The following KCNH7 variants were observed in gnomAD, a reference collection of about 807,000 sequenced individuals.
KCNH7 encodes potassium voltage-gated channel subfamily H member 7, also known as voltage-gated inwardly rectifying potassium channel KCNH7.
A neutral mutation model predicts 120.8 loss-of-function variants in KCNH7; 49 were observed. That is an observed-to-expected ratio of 0.41 (90% confidence interval 0.32 to 0.51). The LOEUF is 0.51. Among genes scored for constraint, KCNH7 ranks in the 20% least tolerant of loss-of-function variants. The pLI, the probability that KCNH7 is intolerant of heterozygous loss-of-function variation, is 0.38. For synonymous variants in KCNH7, 547 were observed against 516.1 expected, an observed-to-expected ratio of 1.06 and a Z score of -0.81; for missense variants, 1,097 against 1,446.6, an observed-to-expected ratio of 0.76 and a Z score of 3.92.
intron 2 of KCNH7, among the ~76,000 whole-genome samples, chr2:162,554,704 C>T (rs1692797975): frequency 6.6e-6 from 1 of 152,162 alleles, no homozygotes; most frequent in Non-Finnish European, 1.5e-5. Context: ...ACATATCCTT[C>T]ATTGACTGTG....
chr2:162,804,603 C>A (rs753831008), intron 2 of KCNH7, among the ~76,000 whole-genome samples: 1 of 151,856 alleles, frequency 6.6e-6, no homozygotes, highest in Admixed American at 6.6e-5. Flanking sequence ...ATAGATGACA[C>A]AAACAAATGG....
intron 2 of KCNH7, among the ~76,000 whole-genome samples, chr2:162,734,408 T>C (rs1260571281): frequency 6.6e-6 from 1 of 152,196 alleles, no homozygotes; most frequent in East Asian, 1.9e-4. Context: ...ATTATAGTGA[T>C]CATAGATGTT....
intron 2 of KCNH7, among the ~76,000 whole-genome samples, chr2:162,651,239 C>A (rs1254086125): frequency 3.3e-5 from 5 of 152,144 alleles, no homozygotes; most frequent in Non-Finnish European, 5.9e-5. Flanking sequence ...TTAGGTTCAG[C>A]AGTACATGTG....
At chr2:162,755,322 A>T (rs1196387547) in intron 2 of KCNH7, among the ~76,000 whole-genome samples, 2 of 152,230 alleles carry the variant, frequency 1.3e-5, no homozygotes, top group South Asian at 2.1e-4. Context: ...TACAAAAAAA[A>T]TTAGCCAGGT....
Position 162,423,441 on chromosome 2 carries a change from T to C in KCNH7, c.2049A>G (p.Val683=), listed in dbSNP as rs979367598. The C allele has an allele frequency of 3.7e-6, 6 of 1,614,132 alleles. No individual in the cohort carries two copies. The highest frequency in any genetic ancestry group is 5.1e-6 in the Non-Finnish European group (6 of 1,179,956). The change falls in exon 9 of 16, where the codon GTA becomes GTG. Residue 683 remains valine (V), a synonymous_variant. Coordinates refer to ENST00000332142, the MANE Select transcript of KCNH7 (RefSeq NM_033272.4). Reference sequence around the variant, plus strand: ...TTTGGTGAAAGCGAATGAACTCTTTTACTCGCAGCATCTGCATGTGGTACC... The same window carrying C: ...TTTGGTGAAAGCGAATGAACTCTTTCACTCGCAGCATCTGCATGTGGTACC... ...TARYHMQMLR[V]KEFIRFHQIP...
intron 6 of KCNH7, among the ~76,000 whole-genome samples, chr2:162,450,829 G>C (rs1688742936): frequency 6.6e-6 from 1 of 151,990 alleles, no homozygotes; most frequent in African/African-American, 2.4e-5. Flanking sequence ...GATACTTAGA[G>C]ATCAATTAGG....
intron 2 of KCNH7, among the ~76,000 whole-genome samples, chr2:162,746,015 T>C (rs973387761): frequency 2.0e-5 from 3 of 152,048 alleles, no homozygotes; most frequent in Non-Finnish European, 4.4e-5. Context: ...ATATGAAGAA[T>C]TTGCAAAATG....
At chr2:162,681,784 G>T (rs1231484722) in intron 2 of KCNH7, among the ~76,000 whole-genome samples, 2 of 150,134 alleles carry the variant, frequency 1.3e-5, no homozygotes, top group Non-Finnish European at 3.0e-5. Context: ...CATAAAGAGA[G>T]TTCAAGTCAA....
At chr2:162,627,841 T>C (rs575184603) in intron 2 of KCNH7, among the ~76,000 whole-genome samples, 5 of 152,182 alleles carry the variant, frequency 3.3e-5, no homozygotes, top group Non-Finnish European at 7.3e-5. Flanking sequence ...TCTTTATTTT[T>C]CCTTTAGCCT....
intron 6 of KCNH7, among the ~76,000 whole-genome samples, chr2:162,455,331 G>A (rs1245594906): frequency 6.6e-6 from 1 of 152,116 alleles, no homozygotes; most frequent in Non-Finnish European, 1.5e-5. Flanking sequence ...GCTGGATTTG[G>A]TTTGCCAGTA....
At chr2:162,649,209 T>C (rs183259320) in intron 2 of KCNH7, among the ~76,000 whole-genome samples, 117 of 152,344 alleles carry the variant, frequency 7.7e-4, no homozygotes, top group African/African-American at 2.7e-3. Context: ...ATGTTCTTTG[T>C]TATGCATGAA....
chr2:162,686,102 T>C (rs1685881313), intron 2 of KCNH7, among the ~76,000 whole-genome samples: 1 of 152,046 alleles, frequency 6.6e-6, no homozygotes, highest in South Asian at 2.1e-4. Context: ...GTTTAGTGTA[T>C]GGTGGGGCAA....
At chr2:162,823,837 C>T (rs976723706) in intron 2 of KCNH7, among the ~76,000 whole-genome samples, 3 of 151,578 alleles carry the variant, frequency 2.0e-5, no homozygotes, top group African/African-American at 7.3e-5. Flanking sequence ...TTTTTAAATG[C>T]TGACAGTCTA....
At chr2:162,529,309 C>A (rs1183072954) in intron 3 of KCNH7, among the ~76,000 whole-genome samples, 1 of 151,830 alleles carries the variant, frequency 6.6e-6, no homozygotes, top group Non-Finnish European at 1.5e-5. Context: ...GTAAGAGGAA[C>A]AACAAATGGT....
intron 3 of KCNH7, among the ~76,000 whole-genome samples, chr2:162,525,345 C>G (rs1037569864): frequency 2.0e-5 from 3 of 151,864 alleles, no homozygotes; most frequent in Admixed American, 6.6e-5. Context: ...AACATGTTTG[C>G]AAATGTTGAC....
intron 2 of KCNH7, among the ~76,000 whole-genome samples, chr2:162,606,506 C>T (rs1018241217): frequency 3.3e-5 from 5 of 152,050 alleles, no homozygotes; most frequent in African/African-American, 7.2e-5. Flanking sequence ...TTATTCAACT[C>T]GCTGTTTTAA....
chr2:162,827,388 G>T (rs962640672), intron 2 of KCNH7, among the ~76,000 whole-genome samples: 1 of 152,012 alleles, frequency 6.6e-6, no homozygotes, highest in Admixed American at 6.6e-5. Context: ...AACCAAAAAT[G>T]CCCCCAAAAT....
intron 6 of KCNH7, among the ~76,000 whole-genome samples, chr2:162,451,582 A>T (rs1001614742): frequency 6.6e-6 from 1 of 151,870 alleles, no homozygotes; most frequent in Non-Finnish European, 1.5e-5. Context: ...TTGGTGGGGG[A>T]GCTTGTGTGG....
intron 2 of KCNH7, among the ~76,000 whole-genome samples, chr2:162,616,478 T>C (rs1225717045): frequency 6.6e-6 from 1 of 152,226 alleles, no homozygotes; most frequent in East Asian, 1.9e-4. Context: ...TGTTCGTCTT[T>C]GGCCAAGTAT....
Sources: gnomAD v4.1 joint callset for allele counts (sites outside exome capture counted in the v4.1 genomes callset) on GRCh38, gnomAD v4.1.1 for gene constraint, MANE v1.5 for transcripts, NCBI Gene and HGNC (gene_info 2026-07-23, HGNC 2026-07-21) for gene names.